Variants in OSCP1 observed in about 807,000 individuals in gnomAD.
The protein encoded by OSCP1 is organic solute carrier partner 1, also known as protein OSCP1.
Under a neutral mutation model 45.1 loss-of-function variants are expected in OSCP1, and 35 were observed. The observed-to-expected ratio is 0.78, with a 90% CI of 0.59 to 1.03. The LOEUF (loss-of-function observed/expected upper bound fraction) is 1.03. OSCP1 is among the 50% of genes least tolerant of loss of function. OSCP1 has a pLI of 0.00. For synonymous variants in OSCP1, 179 were observed against 180.1 expected (o/e 0.99, Z 0.05); for missense variants, 400 against 470.7 (o/e 0.85, Z 1.39).
At chr1:36,445,864 G>T (rs1428083391) in intron 1 of OSCP1, among the ~76,000 whole-genome samples, 2 of 151,830 alleles carry the variant, frequency 1.3e-5, no homozygotes, top group South Asian at 4.2e-4. Flanking sequence ...ACAGGCACCT[G>T]CCATCATGCC....
chr1:36,442,552 T>C (rs1332705977), intron 1 of OSCP1, among the ~76,000 whole-genome samples: 1 of 152,210 alleles, frequency 6.6e-6, no homozygotes, highest in South Asian at 2.1e-4. Flanking sequence ...AATTGGGCTT[T>C]TTTTCGAGAC....
intron 1 of OSCP1, chr1:36,440,714 C>T (rs1156701843): frequency 6.6e-6 from 1 of 152,156 alleles, no homozygotes; most frequent in Admixed American, 6.5e-5. Flanking sequence ...CTTTTTCTTA[C>T]CATAGCCTAC....
chr1:36,438,686 C>T (rs1262981893), intron 2 of OSCP1, 70 bp downstream of exon 2: 3 of 1,514,488 alleles, frequency 2.0e-6, no homozygotes, highest in Non-Finnish European at 2.7e-6. Context: ...CTCATGTGAC[C>T]CCAGTCTATG....
At chr1:36,435,443 A>T (rs1319970145) in intron 2 of OSCP1, among the ~76,000 whole-genome samples, 2 of 151,974 alleles carry the variant, frequency 1.3e-5, no homozygotes, top group Admixed American at 6.6e-5. Flanking sequence ...TACTGTGCTC[A>T]GTCTCTAAAC....
At position 36,447,962 on chromosome 1, in the gene OSCP1, C is replaced by T; in HGVS notation, c.112+2296G>A. On this transcript the variant is annotated intron_variant, in intron 1 of 9. Transcript: ENST00000235532. This position sits in a 1 kb window ranked among gnomAD's most constrained non-coding sequence, Gnocchi z 4.1. ...CTCCCAAAACCATATTTAGCAAAAG[C>T]AGAAAAAAGGCTATAACTCCTAAAG... The T allele has an allele frequency of 2.3e-6, 1 of 435,842 alleles. No homozygotes were observed. The highest frequency in any genetic ancestry group is 7.1e-5 in the East Asian group (1 of 14,034). 27.0% of individuals were successfully genotyped at this position (435,842 alleles called of 1,614,324 possible). A position where few individuals can be genotyped will look rare whatever the true frequency, so the allele number is the denominator to read the frequency against.
Position 36,450,431 on chromosome 1 carries a change from G to C in OSCP1, c.-62C>G. Reference sequence around the variant, plus strand: ...GGGTTCGGTAGCCAGTGGCCTGAAGGCCAGGCCGCAGCGTCCCAATAGTCC... The same window carrying C: ...GGGTTCGGTAGCCAGTGGCCTGAAGCCCAGGCCGCAGCGTCCCAATAGTCC... On this transcript the variant is annotated 5_prime_UTR_variant, in exon 1 of 10. Coordinates refer to ENST00000235532, the MANE Select transcript of OSCP1 (RefSeq NM_145047.5). 7.2e-7 allele frequency: 1 copy of C among 1,389,854 alleles called. No homozygotes were observed. 86.1% of individuals were successfully genotyped at this position (1,389,854 alleles called of 1,614,324 possible).
In OSCP1 at chr1:36,420,501, G is replaced by A; in HGVS notation, c.934C>T (p.Leu312Phe). 6.2e-7 allele frequency: 1 copy of A among 1,614,012 alleles called. No homozygotes were observed. Among genetic ancestry groups the A allele is most frequent in the Non-Finnish European group, 8.5e-7 (1 of 1,180,004 alleles). Residue 312 changes from leucine to phenylalanine, a missense_variant, in exon 8 of 10, where the codon CTC (leucine) becomes TTC (phenylalanine). Physicochemically the swap from Leu to Phe is conservative, Grantham distance 22. Coordinates refer to ENST00000235532, the MANE Select transcript of OSCP1 (RefSeq NM_145047.5). ...TCCTCTTCTTCATCGGTGGTAAAGA[G>A]ATTCAACCGGAATCCGGGCTCAGGG... ...SGPEPGFRLN[L>F]FTTDEEEEQA...
chr1:36,422,256 C>G (rs746808476), intron 6 of OSCP1, 37 bp from the exon 7 acceptor site: 1 of 1,576,852 alleles, frequency 6.3e-7, no homozygotes, highest in Admixed American at 1.7e-5. Context: ...ATTATCCAGC[C>G]CCTTTCCACG....
intron 7 of OSCP1, 141 bp downstream of exon 7, chr1:36,422,009 G>A (rs190728008): frequency 3.4e-5 from 26 of 771,994 alleles, no homozygotes; most frequent in Admixed American, 3.0e-4. Context: ...CTGTGTACTC[G>A]TAAGGTGGAA....
At chr1:36,424,674 G>A (rs900276674) in intron 4 of OSCP1, among the ~76,000 whole-genome samples, 1 of 152,300 alleles carries the variant, frequency 6.6e-6, no homozygotes, top group Non-Finnish European at 1.5e-5. Flanking sequence ...TTAGGTGACT[G>A]AAAACACATT....
chr1:36,419,920 C>T (rs1557544963), intron 8 of OSCP1, among the ~76,000 whole-genome samples: 1 of 151,968 alleles, frequency 6.6e-6, no homozygotes. Flanking sequence ...TCAGACGATC[C>T]TTCTGCCTCA....
intron 8 of OSCP1, 145 bp from the exon 9 acceptor site, chr1:36,419,199 T>C: frequency 1.4e-6 from 1 of 723,172 alleles, no homozygotes; most frequent in Admixed American, 2.1e-5. Flanking sequence ...CTCCCACCAA[T>C]GTACCCTACG....
chr1:36,446,183 A>G (rs574825284), intron 1 of OSCP1, among the ~76,000 whole-genome samples: 1 of 148,782 alleles, frequency 6.7e-6, no homozygotes, highest in East Asian at 2.0e-4. Context: ...CCACCACAAC[A>G]GGGTAATTTT....
intron 2 of OSCP1, among the ~76,000 whole-genome samples, chr1:36,436,090 T>TTC (rs147805432): frequency 6.7e-6 from 1 of 149,890 alleles, no homozygotes; most frequent in Non-Finnish European, 1.5e-5. Flanking sequence ...AAATTTTTCT[T>TTC]TCTCTCTCTC....
Position 36,432,424 on chromosome 1 carries a change from C to T in OSCP1, c.433G>A (p.Glu145Lys). 6.2e-7 allele frequency: 1 copy of T among 1,613,888 alleles called. No individual in the cohort carries two copies. Among genetic ancestry groups the T allele is most frequent in the Non-Finnish European group, 8.5e-7 (1 of 1,179,894 alleles). ...CGAGACACTGATGGCACTCTTACTT[C>T]TGTCAGCTGCCGCAAAGTCTCGTCC... ...QVDETLRQLT[E>K]IYGGLSAGEF... Residue 145 changes from glutamate (E) to lysine (K), a missense_variant and splice_region_variant, in exon 3 of 10, where the codon GAA becomes AAA. Glu to Lys is a moderately conservative substitution (Grantham distance 56). Transcript: ENST00000235532.
Position 36,450,274 on chromosome 1 carries a change from T to A in OSCP1, c.96A>T (p.Gly32=). The change falls in exon 1 of 10, where the codon GGA becomes GGT. Residue 32 remains glycine (G), a synonymous_variant. Coordinates refer to ENST00000235532, the MANE Select transcript of OSCP1 (RefSeq NM_145047.5). ...DQRLRAQNIP[G]DKARKVLNDI... is the part of the protein sequence containing the mutation. Reference sequence around the variant, plus strand: ...GCCTCTCACCTTTGCGGGCCTTGTCTCCCGGGATGTTCTGGGCCCGCAGCC... The same window carrying A: ...GCCTCTCACCTTTGCGGGCCTTGTCACCCGGGATGTTCTGGGCCCGCAGCC... 6.2e-7 allele frequency: 1 copy of A among 1,613,166 alleles called. No homozygotes were observed. The highest frequency in any genetic ancestry group is 8.5e-7 in the Non-Finnish European group (1 of 1,179,684).
At position 36,450,292 on chromosome 1, in the gene OSCP1, C is replaced by T. The variant is rs760563226; in HGVS notation, c.78G>A (p.Arg26=). Residue 26 remains arginine (R), a synonymous_variant, in exon 1 of 10, where the codon CGG becomes CGA. Transcript: ENST00000235532. ...EMLYILDQRL[R]AQNIPGDKAR... The stretch of plus-strand genomic sequence containing the variant: ...CCTTGTCTCCCGGGATGTTCTGGGC[C>T]CGCAGCCGTTGGTCGAGGATGTAAA... The T allele has an allele frequency of 2.5e-6, 4 of 1,613,644 alleles. No individual in the cohort carries two copies. The South Asian group carries it at 3.3e-5, about 13-fold the overall frequency.
At chr1:36,430,723 C>T (rs574631430) in intron 4 of OSCP1, among the ~76,000 whole-genome samples, 13 of 152,274 alleles carry the variant, frequency 8.5e-5, no homozygotes, top group African/African-American at 2.2e-4. Context: ...GGTGCGATCC[C>T]GGCTCACTGT....
intron 4 of OSCP1, among the ~76,000 whole-genome samples, chr1:36,423,762 T>C (rs1243204029): frequency 6.6e-6 from 1 of 151,830 alleles, no homozygotes; most frequent in African/African-American, 2.4e-5. Context: ...CAGTCTCAGC[T>C]ACTCAGGAGG....
Sources: gnomAD v4.1 joint callset for allele counts (sites outside exome capture counted in the v4.1 genomes callset) on GRCh38, gnomAD v4.1.1 for gene constraint, Gnocchi (gnomAD v3.1) non-coding constraint, MANE v1.5 for transcripts, NCBI Gene and HGNC (gene_info 2026-07-23, HGNC 2026-07-21) for gene names.